Variants in RETREG1 observed in about 807,000 individuals in gnomAD.
RETREG1 encodes the protein reticulophagy regulator 1.
RETREG1 carries 44 observed loss-of-function variants against 54.8 expected under a neutral mutation model. The ratio of observed to expected loss-of-function variants is 0.80; its 90% confidence interval spans 0.63 to 1.03. The LOEUF (loss-of-function observed/expected upper bound fraction) is 1.03, where lower values mean the gene tolerates loss of function less well. RETREG1 is among the 50% of genes least tolerant of loss of function. The pLI is 0.00. For synonymous variants in RETREG1, 217 were observed against 238.5 expected, an observed-to-expected ratio of 0.91 and a Z score of 0.83; for missense variants, 554 against 605.1, an observed-to-expected ratio of 0.92 and a Z score of 0.89.
intron 1 of RETREG1, among the ~76,000 whole-genome samples, chr5:16,575,280 C>T (rs1461246228): frequency 6.6e-6 from 1 of 152,178 alleles, no homozygotes; most frequent in Non-Finnish European, 1.5e-5. Flanking sequence ...CACTAATGAG[C>T]TGTAATGCGC....
intron 3 of RETREG1, among the ~76,000 whole-genome samples, chr5:16,491,136 G>A (rs1227044069): frequency 1.3e-5 from 2 of 152,272 alleles, no homozygotes; most frequent in East Asian, 1.9e-4. Context: ...TGCCCGCACT[G>A]TCCCAATGTC....
At position 16,520,483 on chromosome 5, in the gene RETREG1, C is replaced by T. The variant is rs755935447; in HGVS notation, c.459-37011G>A. On this transcript the variant is annotated intron_variant, in intron 3 of 8. Transcript: ENST00000306320. Reference sequence around the variant, plus strand: ...TAGCGGGGATTACAGGCACCCATCACCACACTCGGCTAATTTTTGTATTTT... The same window carrying T: ...TAGCGGGGATTACAGGCACCCATCATCACACTCGGCTAATTTTTGTATTTT... Among the ~76,000 whole-genome samples, 121 of 152,224 alleles carry T rather than the reference C, an allele frequency of 7.9e-4. No homozygotes were observed. In the Middle Eastern group the frequency reaches 0.024, roughly 30 times the overall value.
chr5:16,573,652 G>A, intron 1 of RETREG1, among the ~76,000 whole-genome samples: 1 of 151,654 alleles, frequency 6.6e-6, no homozygotes, highest in East Asian at 1.9e-4. Flanking sequence ...AGAGAACAAG[G>A]AGAGGCACAG....
At chr5:16,562,483 T>C (rs986658527) in intron 3 of RETREG1, among the ~76,000 whole-genome samples, 6 of 152,062 alleles carry the variant, frequency 3.9e-5, no homozygotes, top group African/African-American at 1.4e-4. Context: ...AACATCCAAA[T>C]CCCTGGCTGT....
Position 16,542,369 on chromosome 5 carries a change from G to A in RETREG1, c.458+23394C>T, listed in dbSNP as rs149974376. ...CATGTATGTGTGTCATTTGCTCATC[G>A]GTATACAACAGTAGCAGGTGACAGG... On this transcript the variant is annotated intron_variant, in intron 3 of 8. Coordinates refer to ENST00000306320, the MANE Select transcript of RETREG1 (RefSeq NM_001034850.3). Among the ~76,000 whole-genome samples the A allele has an allele frequency of 2.2e-3, 330 of 152,318 alleles. 1 individual carries two copies. The highest frequency in any genetic ancestry group is 6.9e-3 in the African/African-American group (288 of 41,566).
At chr5:16,532,780 T>C (rs1740951396) in intron 3 of RETREG1, among the ~76,000 whole-genome samples, 1 of 152,206 alleles carries the variant, frequency 6.6e-6, no homozygotes, top group African/African-American at 2.4e-5. Flanking sequence ...GTAACATAGC[T>C]CATGTAAAAT....
At chr5:16,609,463 C>A (rs1213192312) in intron 1 of RETREG1, among the ~76,000 whole-genome samples, 1 of 152,116 alleles carries the variant, frequency 6.6e-6, no homozygotes, top group Non-Finnish European at 1.5e-5. Context: ...GTCTAACAAC[C>A]AGCGATAGTA....
intron 3 of RETREG1, among the ~76,000 whole-genome samples, chr5:16,559,710 A>G (rs1239536624): frequency 6.6e-6 from 1 of 152,250 alleles, no homozygotes; most frequent in Non-Finnish European, 1.5e-5. Flanking sequence ...ACATACTTGG[A>G]AAAACCTGGC....
At chr5:16,582,525 T>C (rs1742516898) in intron 1 of RETREG1, among the ~76,000 whole-genome samples, 2 of 152,246 alleles carry the variant, frequency 1.3e-5, no homozygotes, top group South Asian at 4.1e-4. Flanking sequence ...TATTCAGATA[T>C]CTGGGTCAGG....
intron 3 of RETREG1, among the ~76,000 whole-genome samples, chr5:16,531,531 A>G (rs772735931): frequency 2.0e-5 from 3 of 152,146 alleles, no homozygotes; most frequent in Non-Finnish European, 4.4e-5. Flanking sequence ...GATGCAGGCT[A>G]TTATGAGGGG....
At chr5:16,576,294 C>CTT (rs70940380) in intron 1 of RETREG1, among the ~76,000 whole-genome samples, 100 of 125,828 alleles carry the variant, frequency 7.9e-4, no homozygotes, top group African/African-American at 2.6e-3. Context: ...TTTTCTTTTT[C>CTT]TTTTTTTTTT....
chr5:16,608,496 C>T (rs1743256826), intron 1 of RETREG1, among the ~76,000 whole-genome samples: 1 of 152,208 alleles, frequency 6.6e-6, no homozygotes, highest in Non-Finnish European at 1.5e-5. Flanking sequence ...ACAAGACTTT[C>T]ATCAGCTATT....
chr5:16,498,467 C>G (rs558425269), intron 3 of RETREG1, among the ~76,000 whole-genome samples: 6 of 152,204 alleles, frequency 3.9e-5, no homozygotes, highest in Non-Finnish European at 7.3e-5. Flanking sequence ...AATCCCAATA[C>G]TTTGGGAAGT....
At chr5:16,508,969 T>C in intron 3 of RETREG1, 1 of 1,052,062 alleles carries the variant, frequency 9.5e-7, no homozygotes, top group African/African-American at 1.7e-5. Context: ...TGAGAAGGTG[T>C]CCCCGCTCAG....
chr5:16,577,538 G>A (rs1230806915), intron 1 of RETREG1, among the ~76,000 whole-genome samples: 1 of 152,122 alleles, frequency 6.6e-6, no homozygotes, highest in Non-Finnish European at 1.5e-5. Flanking sequence ...TACACTGAGA[G>A]GTGGAGCTCG....
chr5:16,595,656 G>A (rs1742879948), intron 1 of RETREG1, among the ~76,000 whole-genome samples: 1 of 152,188 alleles, frequency 6.6e-6, no homozygotes, highest in South Asian at 2.1e-4. Context: ...CCTGTTTCAA[G>A]TAGATGTGAT....
At chr5:16,530,280 T>C (rs1225413543) in intron 3 of RETREG1, among the ~76,000 whole-genome samples, 1 of 152,222 alleles carries the variant, frequency 6.6e-6, no homozygotes, top group Non-Finnish European at 1.5e-5. Context: ...ATACTTGTGC[T>C]CCCAGGGGCA....
chr5:16,530,705 T>C (rs1247983836), intron 3 of RETREG1, among the ~76,000 whole-genome samples: 1 of 152,158 alleles, frequency 6.6e-6, no homozygotes, highest in Admixed American at 6.5e-5. Flanking sequence ...AAACCCTGTC[T>C]AGACTAAAAA....
At chr5:16,606,992 T>G (rs1340203884) in intron 1 of RETREG1, among the ~76,000 whole-genome samples, 3 of 152,128 alleles carry the variant, frequency 2.0e-5, no homozygotes, top group African/African-American at 7.2e-5. Flanking sequence ...CCAGGGCTTT[T>G]GTGTGTGCCA....
Sources: gnomAD v4.1 joint callset for allele counts (sites outside exome capture counted in the v4.1 genomes callset) on GRCh38, gnomAD v4.1.1 for gene constraint, MANE v1.5 for transcripts, NCBI Gene and HGNC (gene_info 2026-07-23, HGNC 2026-07-21) for gene names.